The following CACNB2 variants were observed in gnomAD, a reference collection of about 807,000 sequenced individuals.
The protein encoded by CACNB2 is calcium voltage-gated channel auxiliary subunit beta 2.
CACNB2 carries 42 observed loss-of-function variants against 73.3 expected under a neutral mutation model. The observed-to-expected ratio is 0.57, with a 90% confidence interval of 0.45 to 0.74. The LOEUF (loss-of-function observed/expected upper bound fraction) is 0.74, where lower values mean the gene tolerates loss of function less well. Among genes scored for constraint, CACNB2 ranks in the 30% least tolerant of loss-of-function variants. The probability of loss-of-function intolerance (pLI) is 0.00; values close to 1 mark genes in which losing one functional copy is unlikely to be tolerated. For synonymous variants in CACNB2, 348 were observed against 310.3 expected (o/e 1.12, Z -1.28); for missense variants, 940 against 853.0 (o/e 1.10, Z -1.27).
At chr10:18,408,126 A>G (rs1208080066) in intron 3 of CACNB2, among the ~76,000 whole-genome samples, 1 of 151,964 alleles carries the variant, frequency 6.6e-6, no homozygotes, top group East Asian at 1.9e-4. Context: ...TGCAAGGACT[A>G]CCTACACAAA....
chr10:18,393,095 A>G (rs563812191), intron 2 of CACNB2, among the ~76,000 whole-genome samples: 1 of 151,890 alleles, frequency 6.6e-6, no homozygotes, highest in Admixed American at 6.6e-5. Context: ...TGTAATCCCA[A>G]CTACTCAGGA....
At chr10:18,496,503 C>T (rs1015961806) in intron 3 of CACNB2, among the ~76,000 whole-genome samples, 7 of 151,994 alleles carry the variant, frequency 4.6e-5, no homozygotes, top group African/African-American at 7.2e-5. Context: ...CCTGAGAGGT[C>T]GAAATAATTT....
chr10:18,336,512 G>C (rs959681011), intron 2 of CACNB2, among the ~76,000 whole-genome samples: 12 of 152,040 alleles, frequency 7.9e-5, no homozygotes, highest in Admixed American at 7.9e-4. Flanking sequence ...CCAGCTACTC[G>C]AGAGGCTGAG....
At chr10:18,349,699 G>A (rs1300994610) in intron 2 of CACNB2, among the ~76,000 whole-genome samples, 2 of 149,436 alleles carry the variant, frequency 1.3e-5, no homozygotes, top group Non-Finnish European at 3.0e-5. Flanking sequence ...GTGTCTAATG[G>A]GGACAAACTT....
At chr10:18,302,094 C>G (rs1456865776) in intron 2 of CACNB2, among the ~76,000 whole-genome samples, 3 of 152,076 alleles carry the variant, frequency 2.0e-5, no homozygotes, top group Non-Finnish European at 2.9e-5. Context: ...GAAGAAATAG[C>G]ATAGTAATTG....
At chr10:18,483,928 G>T (rs1005512933) in intron 3 of CACNB2, among the ~76,000 whole-genome samples, 2 of 152,146 alleles carry the variant, frequency 1.3e-5, no homozygotes, top group Admixed American at 1.3e-4. Flanking sequence ...TACAATTACT[G>T]AGTGGAACCG....
intron 3 of CACNB2, among the ~76,000 whole-genome samples, chr10:18,427,079 C>A (rs531975691): frequency 1.3e-5 from 2 of 148,292 alleles, no homozygotes; most frequent in East Asian, 4.1e-4. Context: ...CCTTAGCCTC[C>A]CTAGTAGCTG....
chr10:18,219,235 T>G (rs2035632254), intron 2 of CACNB2, among the ~76,000 whole-genome samples: 1 of 152,196 alleles, frequency 6.6e-6, no homozygotes, highest in South Asian at 2.1e-4. Flanking sequence ...CAAGTGAATT[T>G]CAAAGATTTG....
intron 2 of CACNB2, among the ~76,000 whole-genome samples, chr10:18,307,982 A>ATTTTTTTTTTTTTTTTTTTTTTT (rs1564423318): frequency 1.9e-5 from 1 of 52,670 alleles, no homozygotes; most frequent in African/African-American, 9.1e-5. Context: ...ATATATGCCA[A>ATTTTTTTTTTTTTTTTTTTTTTT]CTTTTTTTTT....
chr10:18,467,661 G>C (rs1205030416), intron 3 of CACNB2, among the ~76,000 whole-genome samples: 1 of 152,210 alleles, frequency 6.6e-6, no homozygotes, highest in African/African-American at 2.4e-5. Context: ...TCCATTGACA[G>C]TGGCAGTCAG....
intron 3 of CACNB2, among the ~76,000 whole-genome samples, chr10:18,442,982 ATATG>A (rs1163329162): frequency 3.8e-3 from 58 of 15,404 alleles, no homozygotes; most frequent in East Asian, 0.018. Context: ...GTATATATAT[ATATG>A]TATATATATA....
intron 3 of CACNB2, among the ~76,000 whole-genome samples, chr10:18,422,662 AC>A (rs1317220095): frequency 6.6e-6 from 1 of 151,952 alleles, no homozygotes; most frequent in South Asian, 2.1e-4. Flanking sequence ...AATTTGGCGT[AC>A]CTGGGACTGA....
intron 1 of CACNB2, among the ~76,000 whole-genome samples, chr10:18,142,847 G>C (rs951567133): frequency 5.3e-5 from 8 of 152,210 alleles, no homozygotes; most frequent in Non-Finnish European, 1.2e-4. Flanking sequence ...ATGTATAGGG[G>C]CTGGAAGAGA....
At chr10:18,444,340 G>A (rs1396766127) in intron 3 of CACNB2, among the ~76,000 whole-genome samples, 1 of 152,102 alleles carries the variant, frequency 6.6e-6, no homozygotes. Context: ...AACGATCTGG[G>A]TTAACATCCC....
chr10:18,529,811 T>G (rs548169562), intron 10 of CACNB2, among the ~76,000 whole-genome samples: 49 of 152,312 alleles, frequency 3.2e-4, no homozygotes, highest in African/African-American at 1.0e-3. Context: ...TTTTATGTCC[T>G]TATCTATCAC....
chr10:18,233,284 A>G (rs1317774238), intron 2 of CACNB2, among the ~76,000 whole-genome samples: 1 of 152,112 alleles, frequency 6.6e-6, no homozygotes, highest in African/African-American at 2.4e-5. Context: ...CTGCTGCTCT[A>G]CAGTTTATGC....
At chr10:18,381,688 CAAAAA>C (rs200757952) in intron 2 of CACNB2, among the ~76,000 whole-genome samples, 2 of 78,528 alleles carry the variant, frequency 2.5e-5, no homozygotes, top group Non-Finnish European at 2.6e-5. Context: ...GACTCCGTCT[CAAAAA>C]AAAAAAAAAA....
chr10:18,429,391 C>T (rs192881084), intron 3 of CACNB2, among the ~76,000 whole-genome samples: 9 of 152,228 alleles, frequency 5.9e-5, no homozygotes, highest in East Asian at 5.8e-4. Context: ...TTTCCTGCTT[C>T]GGATTCATTG....
rs12256232 is a variant in CACNB2, at chr10:18,315,528, A to C, written c.214-86396A>C. 5.6e-3 allele frequency among the ~76,000 whole-genome samples: 507 copies of C among 90,202 alleles called. 14 individuals are homozygous for C. The highest frequency in any genetic ancestry group is 0.019 in the African/African-American group (457 of 24,006). 59.2% of individuals were successfully genotyped at this position (90,202 alleles called of 152,430 possible). ...AAAAAAAAAAAAAAAAAAAAAAAAA[A>C]CTTTTTTTTTTTTTAATTAGCCAGA... On this transcript the variant is annotated intron_variant, in intron 2 of 13. Transcript: ENST00000324631.
Sources: gnomAD v4.1 joint callset for allele counts (sites outside exome capture counted in the v4.1 genomes callset) on GRCh38, gnomAD v4.1.1 for gene constraint, MANE v1.5 for transcripts, NCBI Gene and HGNC (gene_info 2026-07-23, HGNC 2026-07-21) for gene names.